Variants in PRIM2 observed in about 807,000 individuals in gnomAD.
PRIM2 encodes DNA primase large subunit.
In PRIM2, 39 loss-of-function variants were observed where a neutral mutation model predicts 67.3. That is an observed-to-expected ratio of 0.58 (90% CI 0.45 to 0.76). The LOEUF is 0.76. Ranked by LOEUF, PRIM2 falls within the 30% of genes least tolerant of loss-of-function variation. The probability of loss-of-function intolerance (pLI) is 0.00; values close to 1 mark genes in which losing one functional copy is unlikely to be tolerated. For synonymous variants in PRIM2, 143 were observed against 198.7 expected, an observed-to-expected ratio of 0.72 and a Z score of 2.36; for missense variants, 398 against 598.7, an observed-to-expected ratio of 0.66 and a Z score of 3.50.
chr6:57,568,304 G>A (rs1245454553), intron 10 of PRIM2, among the ~76,000 whole-genome samples: 2 of 152,048 alleles, frequency 1.3e-5, no homozygotes, highest in South Asian at 2.1e-4. Flanking sequence ...TGAATAACTT[G>A]GTTTTGTTTT....
chr6:57,607,908 C>CT (rs2127493372), intron 12 of PRIM2, among the ~76,000 whole-genome samples: 1 of 152,050 alleles, frequency 6.6e-6, no homozygotes, highest in South Asian at 2.1e-4. Flanking sequence ...AAGCCATTCT[C>CT]TTTTTTGGAG....
At chr6:57,240,136 G>A in the PRIM2 span, among the ~76,000 whole-genome samples, 1 of 106,736 alleles carries the variant, frequency 9.4e-6, no homozygotes, top group East Asian at 3.2e-4. Context: ...TTTTGCTCTT[G>A]TTGCCCAGGC....
intron 8 of PRIM2, among the ~76,000 whole-genome samples, chr6:57,524,999 A>G (rs1774716107): frequency 1.3e-5 from 2 of 152,022 alleles, no homozygotes; most frequent in African/African-American, 2.4e-5. Context: ...ATTATATTTT[A>G]ATGGTCTTTG....
At chr6:57,517,658 T>C (rs1774515242) in intron 8 of PRIM2, among the ~76,000 whole-genome samples, 1 of 152,168 alleles carries the variant, frequency 6.6e-6, no homozygotes, top group Non-Finnish European at 1.5e-5. Flanking sequence ...AAAATCATAG[T>C]AGTGGGGCTT....
intron 12 of PRIM2, among the ~76,000 whole-genome samples, chr6:57,625,110 A>G (rs1776926256): frequency 6.6e-6 from 1 of 152,218 alleles, no homozygotes; most frequent in Non-Finnish European, 1.5e-5. Flanking sequence ...TATGGGAGCT[A>G]CAGTTCAAGA....
At chr6:57,304,846 C>T in the PRIM2 span, among the ~76,000 whole-genome samples, 2 of 152,066 alleles carry the variant, frequency 1.3e-5, no homozygotes, top group African/African-American at 4.8e-5. Flanking sequence ...TAATTAACCT[C>T]GTAGGAAAAA....
chr6:57,322,066 A>G (rs1048739356), intron 3 of PRIM2, among the ~76,000 whole-genome samples: 1 of 152,178 alleles, frequency 6.6e-6, no homozygotes, highest in Admixed American at 6.5e-5. Context: ...AGGAAGGTGG[A>G]GCGGTGGATA....
At chr6:57,375,284 T>G (rs1769723711) in intron 5 of PRIM2, among the ~76,000 whole-genome samples, 1 of 152,224 alleles carries the variant, frequency 6.6e-6, no homozygotes, top group African/African-American at 2.4e-5. Context: ...GAAGGGATGT[T>G]GAATTTTATT....
At chr6:57,383,694 A>G (rs966127833) in intron 7 of PRIM2, 2 of 152,156 alleles carry the variant, frequency 1.3e-5, no homozygotes, top group African/African-American at 2.4e-5. Context: ...TGAGGCAGGT[A>G]ACTTCGGGAC....
At chr6:57,622,262 A>G (rs1259058381) in intron 12 of PRIM2, among the ~76,000 whole-genome samples, 25 of 152,370 alleles carry the variant, frequency 1.6e-4, no homozygotes, top group Non-Finnish European at 3.2e-4. Flanking sequence ...TGAATAAAAT[A>G]TATTACTGAA....
intron 7 of PRIM2, among the ~76,000 whole-genome samples, chr6:57,430,484 C>T (rs1478605690): frequency 1.6e-5 from 2 of 123,098 alleles, no homozygotes; most frequent in East Asian, 5.5e-4. Flanking sequence ...GATGGAGTCT[C>T]ACTCTGTTGC....
chr6:57,554,709 G>A (rs1218268310), intron 10 of PRIM2, among the ~76,000 whole-genome samples: 5 of 152,200 alleles, frequency 3.3e-5, no homozygotes, highest in African/African-American at 7.2e-5. Context: ...TTCGTTGGCC[G>A]AAAATGGACC....
At chr6:57,473,378 G>A (rs1773384812) in intron 7 of PRIM2, among the ~76,000 whole-genome samples, 1 of 152,188 alleles carries the variant, frequency 6.6e-6, no homozygotes, top group Admixed American at 6.5e-5. Flanking sequence ...TACTGTATCT[G>A]ATGTACACAC....
chr6:57,482,588 TC>T, intron 7 of PRIM2, among the ~76,000 whole-genome samples: 1 of 152,282 alleles, frequency 6.6e-6, no homozygotes, highest in African/African-American at 2.4e-5. Context: ...AGGGATTTTT[TC>T]TTTTTTTAAA....
At chr6:57,573,051 T>TG (rs1775891099) in intron 10 of PRIM2, among the ~76,000 whole-genome samples, 1 of 152,252 alleles carries the variant, frequency 6.6e-6, no homozygotes. Flanking sequence ...CTCAAGCTCT[T>TG]GGGCTCAAGC....
chr6:57,448,544 A>T (rs2127388887), intron 7 of PRIM2, among the ~76,000 whole-genome samples: 1 of 152,232 alleles, frequency 6.6e-6, no homozygotes, highest in East Asian at 1.9e-4. Flanking sequence ...TTTACATTTT[A>T]GGGAGACAGG....
At chr6:57,247,049 T>A in the PRIM2 span, among the ~76,000 whole-genome samples, 44 of 152,124 alleles carry the variant, frequency 2.9e-4, no homozygotes, top group African/African-American at 1.0e-3. Context: ...AGAGACGGGG[T>A]TTCACCGTGT....
chr6:57,407,938 A>G (rs1770951825), intron 7 of PRIM2, among the ~76,000 whole-genome samples: 1 of 152,220 alleles, frequency 6.6e-6, no homozygotes, highest in Non-Finnish European at 1.5e-5. Context: ...TGAATTTTGC[A>G]GAGAGGGAAA....
intron 7 of PRIM2, among the ~76,000 whole-genome samples, chr6:57,401,107 C>T (rs1174046156): frequency 6.6e-6 from 1 of 152,128 alleles, no homozygotes; most frequent in Non-Finnish European, 1.5e-5. Flanking sequence ...TCATTTCAGC[C>T]AGCTCAGCCT....
Sources: allele counts gnomAD v4.1 joint callset (sites outside exome capture counted in the v4.1 genomes callset), GRCh38; gene constraint gnomAD v4.1.1; transcripts MANE v1.5; gene names NCBI Gene and HGNC (gene_info 2026-07-23, HGNC 2026-07-21).